Variants in ZNF284 observed in about 807,000 individuals in gnomAD.
The protein encoded by ZNF284 is zinc finger protein 284.
A neutral mutation model predicts 12.9 loss-of-function variants in ZNF284; 12 were observed. That is an observed-to-expected ratio of 0.93 (90% CI 0.60 to 1.51). ZNF284 has a LOEUF of 1.51. Among genes scored for constraint, ZNF284 ranks in the 40% most tolerant of loss-of-function variants. The pLI is 0.00. For missense variants in ZNF284, 667 were observed against 707.3 expected (o/e 0.94, Z 0.65); for synonymous variants, 225 against 236.5 (o/e 0.95, Z 0.45).
intron 2 of ZNF284, among the ~76,000 whole-genome samples, chr19:44,077,932 C>T (rs1000180108): frequency 6.6e-6 from 1 of 152,146 alleles, no homozygotes; most frequent in Non-Finnish European, 1.5e-5. Flanking sequence ...GCCACCTCCT[C>T]AGGTGCACCT....
At chr19:44,074,669 A>G (rs767093441) in intron 1 of ZNF284, among the ~76,000 whole-genome samples, 1 of 151,998 alleles carries the variant, frequency 6.6e-6, no homozygotes, top group African/African-American at 2.4e-5. Context: ...CATGCTAGAT[A>G]CTATTAGATA....
intron 2 of ZNF284, among the ~76,000 whole-genome samples, chr19:44,077,072 A>G (rs62115491): frequency 0.8 from 121,167 of 152,052 alleles, 48,914 homozygotes; most frequent in Non-Finnish European, 0.87. Flanking sequence ...TGCCTGCCTC[A>G]GCCTCCCAAA....
intron 2 of ZNF284, among the ~76,000 whole-genome samples, chr19:44,078,808 T>G (rs931463533): frequency 1.3e-5 from 2 of 152,132 alleles, no homozygotes; most frequent in Non-Finnish European, 1.5e-5. Flanking sequence ...ATTTCTTTTT[T>G]GAAATAGAGT....
chr19:44,083,184 C>T (rs891561781), intron 4 of ZNF284, among the ~76,000 whole-genome samples: 2 of 151,954 alleles, frequency 1.3e-5, no homozygotes, highest in African/African-American at 4.8e-5. Flanking sequence ...CCTGTAATCC[C>T]AGCACTTTGG....
rs67645517 is a variant in ZNF284, at chr19:44,089,113, A to ATTTTG, written c.*1873_*1877dup. The ATTTTG allele has an allele frequency of 7.4e-5, 11 of 149,606 alleles. No individual in the cohort carries two copies. The highest frequency in any genetic ancestry group is 2.7e-4 in the African/African-American group (11 of 40,498). The allele number at this position is 149,606 out of a possible 1,614,324, so 9.3% of individuals were successfully genotyped here. A position where few individuals can be genotyped will look rare whatever the true frequency, so the allele number is the denominator to read the frequency against. The stretch of plus-strand genomic sequence containing the variant: ...TACAGGCCTGAGCCATGCGCACAGC[A>ATTTTG]TTTTGTTTTGTTTTGTTTTGTTTTT... On this transcript the variant is annotated 3_prime_UTR_variant, in exon 5 of 5. Transcript: ENST00000421176.
intron 4 of ZNF284, among the ~76,000 whole-genome samples, chr19:44,083,457 A>ATG (rs1722566728): frequency 2.0e-5 from 1 of 49,700 alleles, no homozygotes; most frequent in Non-Finnish European, 5.0e-5. Context: ...AGAAATATAT[A>ATG]TATATATATA....
intron 4 of ZNF284, among the ~76,000 whole-genome samples, chr19:44,083,474 T>TATAGAGAG (rs746837013): frequency 1.5e-3 from 96 of 64,906 alleles, no homozygotes; most frequent in South Asian, 4.8e-3. Flanking sequence ...TATATATATA[T>TATAGAGAG]AGAGAGAGAG....
chr19:44,081,072 C>T lies in ZNF284; in HGVS notation c.73C>T (p.Leu25=). Residue 25 remains leucine (L), a synonymous_variant, in exon 3 of 5, where the codon CTG becomes TTG. Transcript: ENST00000421176. Reference sequence around the variant, plus strand: ...CTTCACCGAGGAGGAGCTGGGGCTGCTGGACGTTTCCCAGAGGAAGCTGTA... The same window carrying T: ...CTTCACCGAGGAGGAGCTGGGGCTGTTGGACGTTTCCCAGAGGAAGCTGTA... ...VVFTEEELGL[L]DVSQRKLYRD... is the part of the protein sequence containing the mutation. 6.2e-7 allele frequency: 1 copy of T among 1,613,242 alleles called. No homozygotes were observed. Among genetic ancestry groups the T allele is most frequent in the Non-Finnish European group, 8.5e-7 (1 of 1,179,480 alleles).
At chr19:44,077,739 A>T (rs978590228) in intron 2 of ZNF284, among the ~76,000 whole-genome samples, 6 of 152,168 alleles carry the variant, frequency 3.9e-5, no homozygotes, top group Admixed American at 2.6e-4. Flanking sequence ...GAGGAAACCT[A>T]GGGTCGGCAT....
chr19:44,084,313 C>T (rs1291923878), intron 4 of ZNF284, among the ~76,000 whole-genome samples: 8 of 152,198 alleles, frequency 5.3e-5, no homozygotes, highest in Admixed American at 5.2e-4. Flanking sequence ...TCCCCAGGTC[C>T]CTCTGTGTCA....
intron 1 of ZNF284, among the ~76,000 whole-genome samples, chr19:44,075,113 A>G (rs1967007406): frequency 6.6e-6 from 1 of 152,220 alleles, no homozygotes; most frequent in African/African-American, 2.4e-5. Context: ...GTTGGATACC[A>G]TATTACATAA....
intron 1 of ZNF284, among the ~76,000 whole-genome samples, chr19:44,076,002 C>T (rs977314831): frequency 3.3e-5 from 5 of 152,066 alleles, no homozygotes; most frequent in Admixed American, 2.0e-4. Context: ...CATATAAATG[C>T]GATCACACAG....
Position 44,082,104 on chromosome 19 carries a change from A to G in ZNF284, c.234A>G (p.Ser78=). 6.2e-7 allele frequency: 1 copy of G among 1,612,310 alleles called. No individual in the cohort carries two copies. Among genetic ancestry groups the G allele is most frequent in the Non-Finnish European group, 8.5e-7 (1 of 1,178,796 alleles). ...METATQREGN[S]GGKIQTELES... ...CAGCAACCCAAAGAGAAGGGAATTC[A>G]GGTAAGAACCAAGCAACGATGCATC... Residue 78 remains serine, a splice_region_variant and synonymous_variant, in exon 4 of 5, where the codon TCA becomes TCG. Coordinates refer to ENST00000421176, the MANE Select transcript of ZNF284 (RefSeq NM_001037813.4).
intron 1 of ZNF284, among the ~76,000 whole-genome samples, chr19:44,072,628 C>T (rs1255339634): frequency 6.6e-6 from 1 of 152,202 alleles, no homozygotes; most frequent in African/African-American, 2.4e-5. Context: ...AGCAGCCCCT[C>T]CCTTAGTGAC....
At chr19:44,075,149 A>G (rs1967007793) in intron 1 of ZNF284, among the ~76,000 whole-genome samples, 1 of 152,194 alleles carries the variant, frequency 6.6e-6, no homozygotes, top group Admixed American at 6.5e-5. Flanking sequence ...TGCAGCTTCC[A>G]TATTTAAATT....
chr19:44,075,909 T>C (rs558721178), intron 1 of ZNF284, among the ~76,000 whole-genome samples: 3 of 152,336 alleles, frequency 2.0e-5, no homozygotes, highest in South Asian at 4.1e-4. Context: ...TGCCCATTTA[T>C]AGTTAAACCT....
intron 2 of ZNF284, among the ~76,000 whole-genome samples, chr19:44,077,938 C>T (rs1014565523): frequency 2.6e-4 from 40 of 152,120 alleles, no homozygotes; most frequent in African/African-American, 9.4e-4. Flanking sequence ...TCCTCAGGTG[C>T]ACCTAGTACT....
intron 2 of ZNF284, 58 bp downstream of exon 2, chr19:44,076,462 A>G: frequency 5.7e-6 from 9 of 1,572,390 alleles, no homozygotes; most frequent in Non-Finnish European, 7.8e-6. Context: ...TAAGATTGTC[A>G]CATGTTTTTC....
At chr19:44,074,174 A>G (rs1966993678) in intron 1 of ZNF284, among the ~76,000 whole-genome samples, 1 of 151,896 alleles carries the variant, frequency 6.6e-6, no homozygotes, top group Admixed American at 6.6e-5. Context: ...ACCATCATGG[A>G]GAAACTCCAT....
Sources: allele counts gnomAD v4.1 joint callset (sites outside exome capture counted in the v4.1 genomes callset), GRCh38; gene constraint gnomAD v4.1.1; transcripts MANE v1.5; gene names NCBI Gene and HGNC (gene_info 2026-07-23, HGNC 2026-07-21).